Variants in PRKG1 observed in about 807,000 individuals in gnomAD.
The protein encoded by PRKG1 is cGMP-dependent protein kinase 1.
A neutral mutation model predicts 88.1 loss-of-function variants in PRKG1; 35 were observed. The observed-to-expected ratio is 0.40, with a 90% CI of 0.30 to 0.53. The LOEUF (loss-of-function observed/expected upper bound fraction) is 0.53, where lower values mean the gene tolerates loss of function less well. Ranked by LOEUF, PRKG1 falls within the 20% of genes least tolerant of loss-of-function variation. The pLI is 0.59. For missense variants in PRKG1, 540 were observed against 839.8 expected, an observed-to-expected ratio of 0.64 and a Z score of 4.41; for synonymous variants, 303 against 292.5, an observed-to-expected ratio of 1.04 and a Z score of -0.37.
At chr10:52,291,902 T>A (rs578033349) in intron 17 of PRKG1, among the ~76,000 whole-genome samples, 23 of 152,230 alleles carry the variant, frequency 1.5e-4, no homozygotes, top group African/African-American at 5.3e-4. Flanking sequence ...CTCCACATCC[T>A]CTCCAGCACC....
At chr10:51,900,270 A>G (rs963365448) in intron 4 of PRKG1, among the ~76,000 whole-genome samples, 2 of 152,200 alleles carry the variant, frequency 1.3e-5, no homozygotes, top group African/African-American at 2.4e-5. Flanking sequence ...GGTTTACGAT[A>G]ATAGCCTTTC....
chr10:51,951,357 G>T (rs965315497), intron 5 of PRKG1, among the ~76,000 whole-genome samples: 5 of 152,184 alleles, frequency 3.3e-5, no homozygotes, highest in Non-Finnish European at 7.4e-5. Context: ...GACTTCCAGA[G>T]ATACACAGCC....
chr10:51,965,006 A>G (rs1342495460), intron 5 of PRKG1, among the ~76,000 whole-genome samples: 2 of 152,248 alleles, frequency 1.3e-5, no homozygotes, highest in African/African-American at 4.8e-5. Context: ...AAAGCAAAGC[A>G]TGAATATAGG....
chr10:51,585,540 C>T (rs1589107717), intron 3 of PRKG1, among the ~76,000 whole-genome samples: 1 of 152,184 alleles, frequency 6.6e-6, no homozygotes, highest in East Asian at 1.9e-4. Flanking sequence ...AATACTTGCC[C>T]ATTTTCTGCG....
At chr10:51,204,270 G>C (rs149190064) in intron 2 of PRKG1, among the ~76,000 whole-genome samples, 1 of 151,702 alleles carries the variant, frequency 6.6e-6, no homozygotes, top group Non-Finnish European at 1.5e-5. Context: ...TTTACTCTTC[G>C]GTATTTCCTG....
intron 3 of PRKG1, among the ~76,000 whole-genome samples, chr10:51,529,061 A>C (rs1331944671): frequency 6.6e-6 from 1 of 152,136 alleles, no homozygotes; most frequent in Non-Finnish European, 1.5e-5. Context: ...TCAGAAACTA[A>C]GAAGATTTTT....
chr10:51,639,538 G>C (rs531223699), intron 3 of PRKG1, among the ~76,000 whole-genome samples: 170 of 139,028 alleles, frequency 1.2e-3, no homozygotes, highest in African/African-American at 4.5e-3. Context: ...CTATTTAAAA[G>C]CTAAGTTAAC....
intron 3 of PRKG1, among the ~76,000 whole-genome samples, chr10:51,477,998 C>T (rs1310794439): frequency 2.6e-5 from 4 of 152,094 alleles, no homozygotes; most frequent in Non-Finnish European, 2.9e-5. Flanking sequence ...GCATTGAATT[C>T]AATGCTTCTG....
intron 3 of PRKG1, among the ~76,000 whole-genome samples, chr10:51,597,546 T>A (rs1038669502): frequency 1.3e-5 from 2 of 152,216 alleles, no homozygotes; most frequent in African/African-American, 2.4e-5. Flanking sequence ...AATTTTTAAA[T>A]CACATTGAAT....
At chr10:51,106,539 A>C (rs769295889) in intron 1 of PRKG1, among the ~76,000 whole-genome samples, 1 of 152,180 alleles carries the variant, frequency 6.6e-6, no homozygotes, top group Non-Finnish European at 1.5e-5. Context: ...CACCTTTCTT[A>C]GAGGGGAAAA....
At chr10:51,198,428 A>G (rs540532739) in intron 2 of PRKG1, among the ~76,000 whole-genome samples, 5 of 152,338 alleles carry the variant, frequency 3.3e-5, no homozygotes, top group East Asian at 3.9e-4. Context: ...TAAATATCCA[A>G]TGAAATTCAC....
intron 2 of PRKG1, among the ~76,000 whole-genome samples, chr10:51,352,054 A>G (rs532775146): frequency 6.6e-6 from 1 of 152,232 alleles, no homozygotes; most frequent in Admixed American, 6.5e-5. Flanking sequence ...AGATGGTTGT[A>G]GATTTGTGCT....
chr10:51,793,519 T>G (rs1838926886), intron 3 of PRKG1, among the ~76,000 whole-genome samples: 1 of 151,796 alleles, frequency 6.6e-6, no homozygotes, highest in Admixed American at 6.6e-5. Context: ...TAAAGAAAAA[T>G]ATAAGTATCC....
At chr10:51,172,967 T>C (rs1837084585) in intron 2 of PRKG1, among the ~76,000 whole-genome samples, 1 of 152,044 alleles carries the variant, frequency 6.6e-6, no homozygotes, top group Admixed American at 6.6e-5. Flanking sequence ...GATGGTGTTT[T>C]ATTCACTTAA....
chr10:51,292,682 T>C (rs899028039), intron 2 of PRKG1, among the ~76,000 whole-genome samples: 2 of 152,174 alleles, frequency 1.3e-5, no homozygotes, highest in African/African-American at 4.8e-5. Context: ...CAAACACATA[T>C]AGACATTTTA....
At chr10:52,097,325 A>G (rs995232394) in intron 7 of PRKG1, among the ~76,000 whole-genome samples, 4 of 152,276 alleles carry the variant, frequency 2.6e-5, no homozygotes, top group African/African-American at 7.2e-5. Context: ...ATGAGTGTCT[A>G]TTATCTACCA....
intron 3 of PRKG1, among the ~76,000 whole-genome samples, chr10:51,753,262 A>G (rs1837772785): frequency 6.6e-6 from 1 of 152,158 alleles, no homozygotes; most frequent in African/African-American, 2.4e-5. Context: ...ACATATCATG[A>G]AATTTTGATC....
rs534783887 is a variant in PRKG1, at chr10:51,235,574, A to G, written c.478+82244A>G. On this transcript the variant is annotated intron_variant, in intron 2 of 17. Coordinates refer to ENST00000373980, the MANE Select transcript of PRKG1 (RefSeq NM_006258.4). ...GACCCACTGCTGAAGCCATTCCTCC[A>G]CAAGACCTCTTCCAAAATCTTATGA... 2.0e-5 allele frequency among the ~76,000 whole-genome samples: 3 copies of G among 152,340 alleles called. No homozygotes were observed. In the South Asian group the frequency reaches 6.2e-4, roughly 32 times the overall value.
chr10:52,253,183 A>G (rs1311809689), intron 10 of PRKG1, among the ~76,000 whole-genome samples: 3 of 152,002 alleles, frequency 2.0e-5, no homozygotes, highest in Non-Finnish European at 4.4e-5. Flanking sequence ...AGGTCCTTAA[A>G]TATTATTTTT....
Sources: gnomAD v4.1 joint callset for allele counts (sites outside exome capture counted in the v4.1 genomes callset) on GRCh38, gnomAD v4.1.1 for gene constraint, MANE v1.5 for transcripts, NCBI Gene and HGNC (gene_info 2026-07-23, HGNC 2026-07-21) for gene names.